Variants in USP54 observed in about 807,000 individuals in gnomAD.
The protein encoded by USP54 is ubiquitin specific peptidase 54, also known as ubiquitin carboxyl-terminal hydrolase 54.
In USP54, 87 loss-of-function variants were observed where a neutral mutation model predicts 170.5. That is an observed-to-expected ratio of 0.51 (90% CI 0.43 to 0.61). USP54 has a LOEUF of 0.61. Ranked by LOEUF, USP54 falls within the 20% of genes least tolerant of loss-of-function variation. USP54 has a pLI of 0.00. For synonymous variants in USP54, 655 were observed against 742.8 expected (o/e 0.88, Z 1.92); for missense variants, 1,786 against 2,047.8 (o/e 0.87, Z 2.47).
rs1564655347 is a variant in USP54, at chr10:73,516,816, C to G, written c.3610G>C (p.Glu1204Gln). 6.2e-7 allele frequency: 1 copy of G among 1,614,222 alleles called. No individual in the cohort carries two copies. The highest frequency in any genetic ancestry group is 8.5e-7 in the Non-Finnish European group (1 of 1,180,054). ...GAGTTTAAGGCAAGAGAAGAATGTTCAGTGGACTCTTCCCAGGAAAGTGGT... is the reference window on the plus strand; with the variant it reads ...GAGTTTAAGGCAAGAGAAGAATGTTGAGTGGACTCTTCCCAGGAAAGTGGT... ...DRPLSWEESTEHSSLALNSGL... is the reference protein window; with the variant it reads ...DRPLSWEESTQHSSLALNSGL... Residue 1204 changes from glutamate (E) to glutamine (Q), a missense_variant, in exon 20 of 24, where the codon GAA becomes CAA. By Grantham distance (29) the Glu-to-Gln change is conservative. This residue lies in a region of USP54 where 1,418 missense variants were observed against 1,569.0 expected (regional missense o/e 0.90). Coordinates refer to ENST00000687698, the MANE Select transcript of USP54 (RefSeq NM_001391956.1).
chr10:73,620,288 G>T lies in USP54; in HGVS notation c.-18+5279C>A, dbSNP rs183737588. 1.1e-4 allele frequency among the ~76,000 whole-genome samples: 17 copies of T among 148,360 alleles called. No homozygotes were observed. In the East Asian group the frequency reaches 1.9e-3, roughly 17 times the overall value. ...AGATTGTGCCACTGCACTCTAGCCTGGGCGACAGAGCGAGACTCCATCTCA... is the reference window on the plus strand; with the variant it reads ...AGATTGTGCCACTGCACTCTAGCCTTGGCGACAGAGCGAGACTCCATCTCA... On this transcript the variant is annotated intron_variant, in intron 1 of 22. Transcript: ENST00000339859.
intron 11 of USP54, among the ~76,000 whole-genome samples, chr10:73,535,799 C>T (rs1482382556): frequency 6.6e-6 from 1 of 152,166 alleles, no homozygotes; most frequent in African/African-American, 2.4e-5. Flanking sequence ...CCACCTCAGC[C>T]TCCCAAATAG....
intron 10 of USP54, among the ~76,000 whole-genome samples, chr10:73,537,634 C>T (rs965544077): frequency 1.3e-5 from 2 of 151,832 alleles, no homozygotes; most frequent in Non-Finnish European, 2.9e-5. Context: ...ACAGCAGCCC[C>T]GAGACAAAGT....
At chr10:73,541,351 G>A (rs376802797) in intron 9 of USP54, 24 bp downstream of exon 9, 37 of 1,613,398 alleles carry the variant, frequency 2.3e-5, no homozygotes, top group Non-Finnish European at 3.0e-5. Flanking sequence ...CTCAAAGTGA[G>A]AGATAAAGGT....
At chr10:73,561,122 A>G (rs2072900085) in intron 4 of USP54, among the ~76,000 whole-genome samples, 1 of 150,942 alleles carries the variant, frequency 6.6e-6, no homozygotes, top group Non-Finnish European at 1.5e-5. Flanking sequence ...AAAAAAAAAA[A>G]AAAAAAGAAA....
intron 1 of USP54, among the ~76,000 whole-genome samples, chr10:73,613,564 C>T (rs918759969): frequency 6.6e-6 from 1 of 151,924 alleles, no homozygotes. Flanking sequence ...TAGGCAAAGA[C>T]GTGAACAGTT....
intron 1 of USP54, among the ~76,000 whole-genome samples, chr10:73,600,228 T>A (rs1437554731): frequency 6.6e-6 from 1 of 152,118 alleles, no homozygotes; most frequent in Non-Finnish European, 1.5e-5. Context: ...GCCATGTGGA[T>A]CTTTAATACA....
intron 1 of USP54, among the ~76,000 whole-genome samples, chr10:73,597,001 T>C (rs1279529083): frequency 6.6e-6 from 1 of 152,240 alleles, no homozygotes; most frequent in East Asian, 1.9e-4. Context: ...CTAGTTTTAC[T>C]GTCACACCTC....
At chr10:73,574,575 A>G (rs1032903144) in intron 3 of USP54, among the ~76,000 whole-genome samples, 33 of 151,872 alleles carry the variant, frequency 2.2e-4, no homozygotes, top group African/African-American at 7.7e-4. Flanking sequence ...CTAGGAGTTC[A>G]AGACCAGCCT....
rs540378296 is a variant in USP54, at chr10:73,516,951, G to C, written c.3475C>G (p.Leu1159Val). The change falls in exon 20 of 24, where the codon CTA becomes GTA. Residue 1159 changes from leucine to valine, a missense_variant. Transcript: ENST00000687698. ...GFKDRSLSGSLRKNSSPSDSK... is the reference protein window; with the variant it reads ...GFKDRSLSGSVRKNSSPSDSK... Reference sequence around the variant, plus strand: ...TCAGAAGGGGAAGAGTTCTTCCTTAGACTACCTGACAAACTTCTATCCTTG... The same window carrying C: ...TCAGAAGGGGAAGAGTTCTTCCTTACACTACCTGACAAACTTCTATCCTTG... 5 of 1,614,154 alleles carry C rather than the reference G, an allele frequency of 3.1e-6. No homozygotes were observed. The South Asian group carries it at 4.4e-5, about 14-fold the overall frequency.
Position 73,498,696 on chromosome 10 carries a change from A to G in USP54, c.4988T>C (p.Phe1663Ser). The G allele has an allele frequency of 6.2e-7, 1 of 1,607,318 alleles. No homozygotes were observed. Among genetic ancestry groups the G allele is most frequent in the East Asian group, 2.2e-5 (1 of 44,812 alleles). ...HRRTVGEGFL[F>S]VLSDAPRREQ... is the part of the protein sequence containing the mutation. ...TCTTCTGGGAGCATCTGATAGAACA[A>G]ACAGAAACCCCTCTCCCACTGTTCT... Residue 1663 changes from phenylalanine (F) to serine (S), a missense_variant, in exon 24 of 24, where the codon TTT becomes TCT. Transcript: ENST00000687698.
intron 12 of USP54, among the ~76,000 whole-genome samples, chr10:73,534,173 G>C (rs572015264): frequency 2.0e-5 from 3 of 151,702 alleles, no homozygotes; most frequent in Admixed American, 6.6e-5. Flanking sequence ...GTGCCTTTGC[G>C]TAACGAACAT....
In USP54 at chr10:73,575,645, C is replaced by T. The variant is rs1443228333; in HGVS notation, c.14G>A (p.Arg5Lys). 5 of 1,606,268 alleles carry T rather than the reference C, an allele frequency of 3.1e-6. No homozygotes were observed. The highest frequency in any genetic ancestry group is 1.3e-5 in the African/African-American group (1 of 74,498). Residue 5 changes from arginine (R) to lysine (K), a missense_variant, in exon 3 of 24, where the codon AGA becomes AAA. Around this residue, in one of 3 missense-constraint regions of USP54, gnomAD observed 361 missense variants for 455.0 expected, o/e 0.79. Coordinates refer to ENST00000687698, the MANE Select transcript of USP54 (RefSeq NM_001391956.1). Reference protein sequence around the residue: MSWKRNYFSGGRGSV... With the variant: MSWKKNYFSGGRGSV... ...ACCACGACCCCCTGAAAAATAATTT[C>T]TCTTCCAAGACATTATTGTTCACAT...
chr10:73,551,973 G>C (rs1035449981), intron 4 of USP54, among the ~76,000 whole-genome samples: 5 of 152,142 alleles, frequency 3.3e-5, no homozygotes, highest in African/African-American at 1.2e-4. Flanking sequence ...ATCTTGGAGA[G>C]AATTAAGAAA....
At position 73,517,050 on chromosome 10, in the gene USP54, T is replaced by C. The variant is rs776976411; in HGVS notation, c.3376A>G (p.Lys1126Glu). 2 of 1,614,202 alleles carry C rather than the reference T, an allele frequency of 1.2e-6. No individual in the cohort carries two copies. Among genetic ancestry groups the C allele is most frequent in the African/African-American group, 1.3e-5 (1 of 75,066 alleles). ...ETYRPEFPST[K>E]GLVRSLAEQF... Reference sequence around the variant, plus strand: ...TCAGCCAGAGAACGGACAAGCCCCTTTGTGCTGGGAAACTCTGGCCTATAG... The same window carrying C: ...TCAGCCAGAGAACGGACAAGCCCCTCTGTGCTGGGAAACTCTGGCCTATAG... Residue 1126 changes from lysine to glutamate, a missense_variant, in exon 20 of 24, where the codon AAG becomes GAG. Around this residue, in one of 3 missense-constraint regions of USP54, gnomAD observed 1,418 missense variants for 1,569.0 expected, o/e 0.90. Transcript: ENST00000687698.
rs113709268 is a variant in USP54, at chr10:73,607,797, C to A, written c.-18+17770G>T. Among the ~76,000 whole-genome samples, 518 of 150,460 alleles carry A rather than the reference C, an allele frequency of 3.4e-3. 9 individuals carry two copies. The highest frequency in any genetic ancestry group is 0.012 in the African/African-American group (480 of 40,864). ...AGTAAGCCAAGATCACGCCACTGCA[C>A]CCCAGCCTGGGAGACAGAGCAAGAC... is the stretch of plus-strand genomic sequence containing the variant. On this transcript the variant is annotated intron_variant, in intron 1 of 22. Coordinates refer to the USP54 transcript ENST00000339859.
intron 5 of USP54, among the ~76,000 whole-genome samples, chr10:73,544,230 C>T (rs570090979): frequency 1.2e-4 from 19 of 152,236 alleles, no homozygotes; most frequent in East Asian, 5.8e-4. Context: ...GGAGTGAGCC[C>T]GGCCAGCATA....
intron 4 of USP54, among the ~76,000 whole-genome samples, chr10:73,565,137 C>T (rs1697460791): frequency 6.6e-6 from 1 of 151,950 alleles, no homozygotes; most frequent in Non-Finnish European, 1.5e-5. Flanking sequence ...TCAGTAGTAT[C>T]CCTACTTATC....
At chr10:73,538,494 A>G (rs1880700) in intron 10 of USP54, 3 of 146,628 alleles carry the variant, frequency 2.0e-5, no homozygotes, top group African/African-American at 7.5e-5. Context: ...TATTTTCTAG[A>G]AAAAAAAAAA....
Sources: gnomAD v4.1 joint callset for allele counts (sites outside exome capture counted in the v4.1 genomes callset) on GRCh38, gnomAD v4.1.1 for gene constraint, gnomAD v4.1.1 regional missense constraint, MANE v1.5 for transcripts, NCBI Gene and HGNC (gene_info 2026-07-23, HGNC 2026-07-21) for gene names.